Variants in TBX1 observed in about 807,000 individuals in gnomAD.
TBX1 encodes T-box transcription factor 1.
In TBX1, 16 loss-of-function variants were observed where a neutral mutation model predicts 40.8. That is an observed-to-expected ratio of 0.39 (90% CI 0.27 to 0.60). The LOEUF is 0.60. Ranked by LOEUF, TBX1 falls within the 20% of genes least tolerant of loss-of-function variation. The pLI, the probability that TBX1 is intolerant of heterozygous loss-of-function variation, is 0.51. For missense variants in TBX1, 755 were observed against 728.5 expected (o/e 1.04, Z -0.42); for synonymous variants, 403 against 336.8 (o/e 1.20, Z -2.15).
chr22:19,767,536 C>CCTCTCCGAGGCCCCTCCT (rs1414130218), downstream of TBX1, among the ~76,000 whole-genome samples: 8 of 152,340 alleles, frequency 5.3e-5, no homozygotes, highest in African/African-American at 1.9e-4. Context: ...CTGCCCCTCC[C>CCTCTCCGAGGCCCCTCCT]CTCTCCGAGG....
upstream of TBX1, chr22:19,759,528 G>C (rs72646949): frequency 6.5e-7 from 1 of 1,543,974 alleles, no homozygotes; most frequent in Non-Finnish European, 8.7e-7. Context: ...CCCCGAGCCA[G>C]TGCGTTCAGC....
chr22:19,780,237 C>T (rs1346384538), downstream of TBX1, among the ~76,000 whole-genome samples: 1 of 152,228 alleles, frequency 6.6e-6, no homozygotes, highest in Non-Finnish European at 1.5e-5. Context: ...AACTCTTCAT[C>T]TCAGAAAACT....
In TBX1 at chr22:19,765,893, C is replaced by T. The variant is rs1936819173; in HGVS notation, c.936-9C>T. On this transcript the variant is annotated splice_polypyrimidine_tract_variant and intron_variant, in intron 5 of 6. Transcript: ENST00000649276. Reference sequence around the variant, plus strand: ...GCAGGCGCCGCCCTGATCCGCCTCCCGCCCGCAGGCCCCGGAACCACCGGC... The same window carrying T: ...GCAGGCGCCGCCCTGATCCGCCTCCTGCCCGCAGGCCCCGGAACCACCGGC... 5 of 1,545,302 alleles carry T rather than the reference C, an allele frequency of 3.2e-6. No individual in the cohort carries two copies. The Admixed American group carries it at 7.9e-5, about 24-fold the overall frequency.
At chr22:19,763,432 T>C (rs1936732744) in intron 2 of TBX1, 90 bp downstream of exon 2, 1 of 1,239,414 alleles carries the variant, frequency 8.1e-7, no homozygotes, top group Non-Finnish European at 1.2e-6. Flanking sequence ...AAGGGTCGTC[T>C]GCACCATGAA....
Position 19,764,947 on chromosome 22 carries a change from T to C in TBX1, c.712-11T>C, listed in dbSNP as rs1936782521. On this transcript the variant is annotated splice_polypyrimidine_tract_variant and intron_variant, in intron 3 of 6. Coordinates refer to ENST00000649276, the MANE Select transcript of TBX1 (RefSeq NM_001379200.1). Reference sequence around the variant, plus strand: ...CCACCGCTGGAGCTGATTCCCCACCTTGTCTTCCAGATTATTCTGAATTCC... The same window carrying C: ...CCACCGCTGGAGCTGATTCCCCACCCTGTCTTCCAGATTATTCTGAATTCC... The C allele has an allele frequency of 6.2e-7, 1 of 1,613,770 alleles. No individual in the cohort carries two copies. Among genetic ancestry groups the C allele is most frequent in the Admixed American group, 1.7e-5 (1 of 60,000 alleles).
downstream of TBX1, chr22:19,782,848 G>A: frequency 6.2e-7 from 1 of 1,613,450 alleles, no homozygotes; most frequent in Non-Finnish European, 8.5e-7. Flanking sequence ...TTTGATAAAG[G>A]CCACAAACAC....
At chr22:19,768,557 G>A (rs566614438), downstream of TBX1, among the ~76,000 whole-genome samples, 7 of 152,284 alleles carry the variant, frequency 4.6e-5, no homozygotes, top group South Asian at 1.5e-3. Context: ...GGCTGTGGAT[G>A]CCCATTCCCA....
Position 19,766,903 on chromosome 22 carries a change from C to T in TBX1, c.*36C>T. Reference sequence around the variant, plus strand: ...GTCGCGCTCCCGCCCCGGTCCTGCACAGCCCCGAAGTTCGCCGGGCCCGGC... The same window carrying T: ...GTCGCGCTCCCGCCCCGGTCCTGCATAGCCCCGAAGTTCGCCGGGCCCGGC... On this transcript the variant is annotated 3_prime_UTR_variant, in exon 7 of 7. Coordinates refer to ENST00000649276, the MANE Select transcript of TBX1 (RefSeq NM_001379200.1). 1 of 1,578,146 alleles carries T rather than the reference C, an allele frequency of 6.3e-7. No individual in the cohort carries two copies. The highest frequency in any genetic ancestry group is 8.5e-7 in the Non-Finnish European group (1 of 1,170,364).
chr22:19,768,901 G>GCAC (rs1936936860), downstream of TBX1, among the ~76,000 whole-genome samples: 2 of 150,942 alleles, frequency 1.3e-5, no homozygotes, highest in African/African-American at 4.9e-5. Flanking sequence ...GCAAGATGGA[G>GCAC]CACCCAGCCG....
chr22:19,776,563 T>C (rs1210434736), intron 8 of TBX1, among the ~76,000 whole-genome samples: 1 of 152,096 alleles, frequency 6.6e-6, no homozygotes, highest in Non-Finnish European at 1.5e-5. Flanking sequence ...CTTGCCCTGC[T>C]TAGGAGCTGG....
exon 9 of TBX1, chr22:19,779,492 AC>A (rs1444425713): frequency 6.3e-7 from 1 of 1,593,918 alleles, no homozygotes; most frequent in Non-Finnish European, 8.5e-7. Flanking sequence ...AATTAAAAAA[AC>A]AGTGACTTGT....
At position 19,760,893 on chromosome 22, in the gene TBX1, G is replaced by A; in HGVS notation, c.50G>A (p.Cys17Tyr). The A allele has an allele frequency of 9.5e-7, 1 of 1,057,142 alleles. No individual in the cohort carries two copies. 65.5% of individuals were successfully genotyped at this position (1,057,142 alleles called of 1,614,324 possible). Residue 17 changes from cysteine (C) to tyrosine (Y), a missense_variant, in exon 1 of 7, where the codon TGC (cysteine) becomes TAC (tyrosine). Coordinates refer to ENST00000649276, the MANE Select transcript of TBX1 (RefSeq NM_001379200.1). ...SPWLTQLSHFCDVAAFTASSL... is the reference protein window; with the variant it reads ...SPWLTQLSHFYDVAAFTASSL... ...TGGCTCACGCAGCTCTCGCATTTCT[G>A]CGACGTTGCAGCCTTCACGGCCAGC...
chr22:19,774,327 C>T (rs1261508399), intron 8 of TBX1, among the ~76,000 whole-genome samples: 5 of 152,326 alleles, frequency 3.3e-5, no homozygotes, highest in South Asian at 2.1e-4. Flanking sequence ...GCAGGAGGAT[C>T]GCTTGAGCCC....
downstream of TBX1, among the ~76,000 whole-genome samples, chr22:19,780,776 G>GTTTTGTTTTTTTTTTT (rs1937133064): frequency 8.4e-6 from 1 of 119,104 alleles, no homozygotes; most frequent in African/African-American, 3.4e-5. Flanking sequence ...CTTGTTTTCT[G>GTTTTGTTTTTTTTTTT]TTTTTTTTTT....
At chr22:19,758,832 G>T (rs772023563), upstream of TBX1, among the ~76,000 whole-genome samples, 1 of 152,230 alleles carries the variant, frequency 6.6e-6, no homozygotes, top group Non-Finnish European at 1.5e-5. Flanking sequence ...CCCTCTGCTG[G>T]GGTCTCCAGC....
rs1936640287 is a variant in TBX1 at position 19,761,025 on chromosome 22, C to A, written c.182C>A (p.Pro61Gln). Reference sequence around the variant, plus strand: ...CCGCCGCCGCCGCCGCGCTACGACCCGTGCGCCGCCGCCGCCCCCGGCGCC... The same window carrying A: ...CCGCCGCCGCCGCCGCGCTACGACCAGTGCGCCGCCGCCGCCCCCGGCGCC... ...EPPPPPPRYD[P>Q]CAAAAPGAPG... The change falls in exon 1 of 7, where the codon CCG (proline) becomes CAG (glutamine). Residue 61 changes from proline (P) to glutamine (Q), a missense_variant. Physicochemically the swap from Pro to Gln is moderately conservative, Grantham distance 76 (BLOSUM62 -1). Coordinates refer to ENST00000649276, the MANE Select transcript of TBX1 (RefSeq NM_001379200.1). The A allele has an allele frequency of 2.2e-6, 2 of 894,752 alleles. No individual in the cohort carries two copies. The highest frequency in any genetic ancestry group is 5.0e-5 in the South Asian group (1 of 20,176). The allele number at this position is 894,752 out of a possible 1,614,324, so 55.4% of individuals were successfully genotyped here.
chr22:19,757,792 A>T (rs1020389580), upstream of TBX1, among the ~76,000 whole-genome samples: 1 of 152,122 alleles, frequency 6.6e-6, no homozygotes, highest in Non-Finnish European at 1.5e-5. Flanking sequence ...AGCACTCCTC[A>T]CTGGACTTGT....
chr22:19,759,483 G>T (rs1936568458), upstream of TBX1: 2 of 1,445,756 alleles, frequency 1.4e-6, no homozygotes, highest in Non-Finnish European at 1.8e-6. Flanking sequence ...CGGCCAGGCC[G>T]CCGGGCGCCT....
intron 3 of TBX1, 139 bp downstream of exon 3, chr22:19,764,465 T>G: frequency 1.8e-6 from 2 of 1,096,954 alleles, no homozygotes; most frequent in South Asian, 2.6e-5. Flanking sequence ...GAGGAGGCCC[T>G]TTAGAGTCCC....
Sources: gnomAD v4.1 joint callset for allele counts (sites outside exome capture counted in the v4.1 genomes callset) on GRCh38, gnomAD v4.1.1 for gene constraint, MANE v1.5 for transcripts, NCBI Gene and HGNC (gene_info 2026-07-23, HGNC 2026-07-21) for gene names.